The following TAPT1 variants were observed in gnomAD, a reference collection of about 807,000 sequenced individuals.
TAPT1 encodes the protein transmembrane anterior posterior transformation 1.
Under a neutral mutation model 65.6 loss-of-function variants are expected in TAPT1, and 28 were observed. The observed-to-expected ratio is 0.43, with a 90% CI of 0.32 to 0.59. TAPT1 has a LOEUF of 0.59. Among genes scored for constraint, TAPT1 ranks in the 20% least tolerant of loss-of-function variants. The probability of loss-of-function intolerance (pLI) is 0.09; values close to 1 mark genes in which losing one functional copy is unlikely to be tolerated. For synonymous variants in TAPT1, 278 were observed against 245.2 expected (o/e 1.13, Z -1.25); for missense variants, 563 against 679.9 (o/e 0.83, Z 1.91).
intron 3 of TAPT1, 38 bp from the exon 4 acceptor site, chr4:16,191,561 C>G (rs1749374291): frequency 6.5e-7 from 1 of 1,528,606 alleles, no homozygotes; most frequent in Admixed American, 2.0e-5. Flanking sequence ...ATAATTTTTA[C>G]TCTGTATGTT....
In TAPT1 at chr4:16,186,887, A is replaced by T. The variant is rs757907062; in HGVS notation, c.749-9T>A. 10 of 1,574,300 alleles carry T rather than the reference A, an allele frequency of 6.4e-6. No homozygotes were observed. The highest frequency in any genetic ancestry group is 4.1e-5 in the African/African-American group (3 of 73,572). The stretch of plus-strand genomic sequence containing the variant: ...AAGAATTGCATGCAAAACTAATAGA[A>T]GGTCAAGGAAAAAACTTAAATTTGC... On this transcript the variant is annotated splice_polypyrimidine_tract_variant and intron_variant, in intron 5 of 13. Transcript: ENST00000405303.
chr4:16,181,237 T>C (rs1413412856), intron 7 of TAPT1, among the ~76,000 whole-genome samples: 1 of 152,250 alleles, frequency 6.6e-6, no homozygotes, highest in East Asian at 1.9e-4. Flanking sequence ...GCTGTACCTA[T>C]ATGTGTGCTA....
intron 13 of TAPT1, among the ~76,000 whole-genome samples, chr4:16,164,947 C>T (rs1747495438): frequency 6.6e-6 from 1 of 152,172 alleles, no homozygotes; most frequent in African/African-American, 2.4e-5. Context: ...GGTAGGACTC[C>T]AGTCCAGCCC....
In TAPT1 at chr4:16,168,937, G is replaced by A. The variant is rs141887288; in HGVS notation, c.1313+1716C>T. On this transcript the variant is annotated intron_variant, in intron 12 of 13. Transcript: ENST00000405303. Reference sequence around the variant, plus strand: ...AGTCTGGAGGGAAAGAGGAGAAACCGGGTGTGGTGGGGGAAAGTTCAGCAT... The same window carrying A: ...AGTCTGGAGGGAAAGAGGAGAAACCAGGTGTGGTGGGGGAAAGTTCAGCAT... 9.0e-3 allele frequency among the ~76,000 whole-genome samples: 1,375 copies of A among 152,268 alleles called. 15 individuals are homozygous for A. The highest frequency in any genetic ancestry group is 0.014 in the Non-Finnish European group (954 of 68,006).
At chr4:16,188,702 C>T (rs12513244) in intron 4 of TAPT1, among the ~76,000 whole-genome samples, 26,145 of 151,520 alleles carry the variant, frequency 0.17, 2,653 homozygotes, top group East Asian at 0.3. Context: ...GGGCGGATCA[C>T]GAGGTCAGGA....
intron 1 of TAPT1, among the ~76,000 whole-genome samples, chr4:16,218,736 G>A (rs1009471887): frequency 6.6e-6 from 1 of 152,226 alleles, no homozygotes; most frequent in Admixed American, 6.5e-5. Context: ...GCATGACGCA[G>A]TGTCTTCAAC....
intron 2 of TAPT1, among the ~76,000 whole-genome samples, chr4:16,205,328 C>T (rs1275978623): frequency 6.6e-6 from 1 of 152,228 alleles, no homozygotes; most frequent in Non-Finnish European, 1.5e-5. Context: ...CCACCAAATA[C>T]CACCTGCTAG....
At chr4:16,227,283 G>A, upstream of TAPT1, 1 of 455,686 alleles carries the variant, frequency 2.2e-6, no homozygotes, top group Non-Finnish European at 4.4e-6. Flanking sequence ...TTAGGAGACA[G>A]CCCTTGGCCA....
chr4:16,211,713 A>G (rs1750662167), intron 2 of TAPT1, among the ~76,000 whole-genome samples: 1 of 152,202 alleles, frequency 6.6e-6, no homozygotes, highest in Non-Finnish European at 1.5e-5. Context: ...AAATGGAACC[A>G]AAGTTTCATG....
chr4:16,186,086 G>A (rs1288093641), intron 7 of TAPT1, among the ~76,000 whole-genome samples: 1 of 152,158 alleles, frequency 6.6e-6, no homozygotes, highest in Non-Finnish European at 1.5e-5. Flanking sequence ...AAAATTTTGT[G>A]CCTTCACACT....
In TAPT1 at chr4:16,226,334, G is replaced by C. The variant is rs1751560598; in HGVS notation, c.124C>G (p.Pro42Ala). ...AGCGTCTCTGTGAGCTGAGGCGCCG[G>C]CGGGGGCCCCTGTCCGCCGCTGCCG... ...PGGSGGQGPPPAPQLTETLGF... is the reference protein window; with the variant it reads ...PGGSGGQGPPAAPQLTETLGF... Residue 42 changes from proline to alanine, a missense_variant, in exon 1 of 14, where the codon CCG becomes GCG. Transcript: ENST00000405303. The C allele has an allele frequency of 1.2e-5, 13 of 1,119,858 alleles. No homozygotes were observed. The highest frequency in any genetic ancestry group is 1.3e-5 in the Non-Finnish European group (12 of 917,046). 69.4% of individuals were successfully genotyped at this position (1,119,858 alleles called of 1,614,324 possible). A position where few individuals can be genotyped will look rare whatever the true frequency, so the allele number is the denominator to read the frequency against.
chr4:16,164,193 T>G (rs890023400), intron 13 of TAPT1, among the ~76,000 whole-genome samples: 2 of 152,154 alleles, frequency 1.3e-5, no homozygotes, highest in Non-Finnish European at 2.9e-5. Context: ...ACATTTAAAA[T>G]GTATAATCTG....
intron 7 of TAPT1, chr4:16,183,253 T>C (rs1329989837): frequency 6.6e-6 from 1 of 152,158 alleles, no homozygotes; most frequent in Non-Finnish European, 1.5e-5. Context: ...TCTTAAAGGG[T>C]ACAATGCGGA....
chr4:16,213,935 G>A (rs969758257), intron 1 of TAPT1, 37 bp from the exon 2 acceptor site: 4 of 1,566,504 alleles, frequency 2.6e-6, no homozygotes, highest in African/African-American at 1.4e-5. Flanking sequence ...AAAAAGAACA[G>A]TATTTATCAA....
chr4:16,169,091 A>G (rs1312265524), intron 12 of TAPT1, among the ~76,000 whole-genome samples: 2 of 152,244 alleles, frequency 1.3e-5, no homozygotes, highest in African/African-American at 4.8e-5. Flanking sequence ...CTGAAGGAGA[A>G]GAGGATAATT....
intron 3 of TAPT1, among the ~76,000 whole-genome samples, chr4:16,194,418 G>A (rs184362799): frequency 6.6e-6 from 1 of 152,162 alleles, no homozygotes; most frequent in African/African-American, 2.4e-5. Flanking sequence ...GTGCAGCAGG[G>A]ATGGAAACTT....
At chr4:16,169,577 A>G (rs1384734936) in intron 12 of TAPT1, among the ~76,000 whole-genome samples, 1 of 152,248 alleles carries the variant, frequency 6.6e-6, no homozygotes, top group East Asian at 1.9e-4. Context: ...AATGCTGTAC[A>G]GTGTGATCAG....
chr4:16,213,726 T>C (rs1369243858), intron 2 of TAPT1, 42 bp downstream of exon 2: 3 of 1,500,634 alleles, frequency 2.0e-6, no homozygotes, highest in Non-Finnish European at 2.7e-6. Flanking sequence ...TACTTTGACA[T>C]AACTTTCAAA....
intron 12 of TAPT1, among the ~76,000 whole-genome samples, chr4:16,167,354 CATTT>C (rs771016691): frequency 3.3e-5 from 5 of 152,114 alleles, no homozygotes; most frequent in African/African-American, 4.8e-5. Context: ...AATATTATAA[CATTT>C]ATTCTTTTAT....
Sources: allele counts gnomAD v4.1 joint callset (sites outside exome capture counted in the v4.1 genomes callset), GRCh38; gene constraint gnomAD v4.1.1; transcripts MANE v1.5; gene names NCBI Gene and HGNC (gene_info 2026-07-23, HGNC 2026-07-21).